Variants in ZC3H12B observed in about 807,000 individuals in gnomAD.
The protein encoded by ZC3H12B is probable ribonuclease ZC3H12B.
Under a neutral mutation model 43.9 loss-of-function variants are expected in ZC3H12B, and 7 were observed. The ratio of observed to expected loss-of-function variants is 0.16; its 90% CI spans 0.09 to 0.30. The LOEUF is 0.30. Ranked by LOEUF, ZC3H12B falls within the 10% of genes least tolerant of loss-of-function variation. The pLI, the probability that ZC3H12B is intolerant of heterozygous loss-of-function variation, is 1.00. For missense variants in ZC3H12B, 475 were observed against 670.2 expected (o/e 0.71, Z 3.22); for synonymous variants, 222 against 241.7 (o/e 0.92, Z 0.76).
the ZC3H12B span, among the ~76,000 whole-genome samples, chrX:65,169,367 G>C: frequency 1.8e-5 from 2 of 111,930 alleles, no homozygotes; most frequent in Admixed American, 9.5e-5. Flanking sequence ...TTAATCCTGA[G>C]TTCTAGTTTG....
the ZC3H12B span, among the ~76,000 whole-genome samples, chrX:65,235,989 C>T: frequency 8.9e-6 from 1 of 111,959 alleles, no homozygotes; most frequent in African/African-American, 3.2e-5. Context: ...GACCTGAAAG[C>T]ATGCAGTAGT....
the ZC3H12B span, among the ~76,000 whole-genome samples, chrX:65,204,968 C>T: frequency 5.4e-5 from 6 of 111,622 alleles, no homozygotes; most frequent in Non-Finnish European, 1.1e-4. Flanking sequence ...GTTAGTATTT[C>T]ACAGTTGTTA....
chrX:65,309,693 AAG>A, the ZC3H12B span, among the ~76,000 whole-genome samples: 1 of 112,089 alleles, frequency 8.9e-6, no homozygotes, highest in African/African-American at 3.2e-5. Flanking sequence ...CACAACGAAA[AAG>A]AGAATTGTAG....
intron 3 of ZC3H12B, among the ~76,000 whole-genome samples, chrX:65,449,677 T>A (rs2067442189): frequency 9.0e-6 from 1 of 110,965 alleles, no homozygotes. Flanking sequence ...CTGCCATAAA[T>A]GAGAATGAAA....
At chrX:65,453,402 AT>A (rs1569414463) in intron 3 of ZC3H12B, among the ~76,000 whole-genome samples, 14 of 84,891 alleles carry the variant, frequency 1.6e-4, no homozygotes, top group East Asian at 7.5e-4. Flanking sequence ...ATATATATAT[AT>A]AAAATAGAAT....
intron 3 of ZC3H12B, among the ~76,000 whole-genome samples, chrX:65,455,628 G>A (rs1354048279): frequency 1.8e-5 from 2 of 111,359 alleles, no homozygotes; most frequent in Non-Finnish European, 3.8e-5. Context: ...TACAGAGAAT[G>A]CCACAAAGAT....
At chrX:65,312,858 GT>G in the ZC3H12B span, among the ~76,000 whole-genome samples, 1 of 111,209 alleles carries the variant, frequency 9.0e-6, no homozygotes, top group Non-Finnish European at 1.9e-5. Context: ...TTGCTTATTG[GT>G]TTTTTGTTTG....
chrX:65,175,215 C>A, the ZC3H12B span, among the ~76,000 whole-genome samples: 4 of 111,947 alleles, frequency 3.6e-5, no homozygotes, highest in African/African-American at 1.3e-4. Flanking sequence ...GCACCCACTG[C>A]CTAACCAGTC....
the ZC3H12B span, among the ~76,000 whole-genome samples, chrX:65,335,548 A>G: frequency 2.7e-5 from 3 of 111,372 alleles, no homozygotes; most frequent in Non-Finnish European, 3.8e-5. Flanking sequence ...AGCTCAGAGA[A>G]GGGAAAATTC....
At chrX:65,065,729 AG>A in the ZC3H12B span, among the ~76,000 whole-genome samples, 1 of 111,350 alleles carries the variant, frequency 9.0e-6, no homozygotes, top group Non-Finnish European at 1.9e-5. Context: ...AATATCTTGA[AG>A]TGTATTTTTC....
At chrX:65,260,529 C>A in the ZC3H12B span, among the ~76,000 whole-genome samples, 5 of 110,983 alleles carry the variant, frequency 4.5e-5, no homozygotes, top group African/African-American at 1.6e-4. Flanking sequence ...ATGCAATTTA[C>A]CTATATAGTA....
chrX:65,349,010 C>A, the ZC3H12B span, among the ~76,000 whole-genome samples: 1 of 111,498 alleles, frequency 9.0e-6, no homozygotes, highest in Non-Finnish European at 1.9e-5. Flanking sequence ...CAGCTCTGGA[C>A]CAAGTGGACC....
At chrX:65,439,818 G>A (rs1393765268) in intron 3 of ZC3H12B, among the ~76,000 whole-genome samples, 1 of 110,890 alleles carries the variant, frequency 9.0e-6, no homozygotes, top group African/African-American at 3.3e-5. Flanking sequence ...GTGTTCGACA[G>A]GTGTTCCTCC....
At chrX:65,388,820 G>A (rs1225220992) in intron 2 of ZC3H12B, among the ~76,000 whole-genome samples, 1 of 111,699 alleles carries the variant, frequency 9.0e-6, no homozygotes, top group African/African-American at 3.3e-5. Flanking sequence ...ATGGGGTTTT[G>A]GTGTGGATGT....
the ZC3H12B span, among the ~76,000 whole-genome samples, chrX:65,078,539 G>T: frequency 8.9e-6 from 1 of 111,957 alleles, no homozygotes; most frequent in African/African-American, 3.2e-5. Context: ...AAATGTTGCT[G>T]AGCGATCAAG....
chrX:65,452,715 C>T (rs929711556), intron 3 of ZC3H12B, among the ~76,000 whole-genome samples: 8 of 110,595 alleles, frequency 7.2e-5, no homozygotes, highest in African/African-American at 2.6e-4. Context: ...GTGGTAGGTG[C>T]CTGTAATCCC....
At chrX:65,360,399 T>G in the ZC3H12B span, among the ~76,000 whole-genome samples, 2 of 112,291 alleles carry the variant, frequency 1.8e-5, no homozygotes, top group African/African-American at 6.5e-5. Context: ...AATATTTGAA[T>G]AGACACTTCA....
chrX:65,301,174 T>A, the ZC3H12B span, among the ~76,000 whole-genome samples: 146 of 107,869 alleles, frequency 1.4e-3, no homozygotes, highest in African/African-American at 3.8e-3. Context: ...AATAAAAATT[T>A]AAAAAAAAAA....
the ZC3H12B span, among the ~76,000 whole-genome samples, chrX:65,298,454 A>G: frequency 8.9e-6 from 1 of 112,298 alleles, no homozygotes. Context: ...ATAAAGATCT[A>G]AAATTGAGGA....
Sources: allele counts gnomAD v4.1 joint callset (sites outside exome capture counted in the v4.1 genomes callset), GRCh38; gene constraint gnomAD v4.1.1; transcripts MANE v1.5; gene names NCBI Gene and HGNC (gene_info 2026-07-23, HGNC 2026-07-21).